Variants in TMEM135 observed in about 807,000 individuals in gnomAD.
TMEM135 encodes the protein transmembrane protein 135, also known as peroxisomal membrane protein 52.
Under a neutral mutation model 60.3 loss-of-function variants are expected in TMEM135, and 30 were observed. The observed-to-expected ratio is 0.50, with a 90% CI of 0.37 to 0.68. The LOEUF is 0.68. TMEM135 is among the 30% of genes least tolerant of loss of function. The pLI is 0.00. For synonymous variants in TMEM135, 190 were observed against 186.7 expected (o/e 1.02, Z -0.14); for missense variants, 468 against 548.8 (o/e 0.85, Z 1.47).
intron 6 of TMEM135, among the ~76,000 whole-genome samples, chr11:87,269,067 T>G (rs1463221978): frequency 1.3e-5 from 2 of 148,498 alleles, no homozygotes; most frequent in Admixed American, 1.3e-4. Context: ...AATGGCTAGT[T>G]TTTTTTTTTT....
chr11:87,226,763 G>T (rs188786099), intron 5 of TMEM135, among the ~76,000 whole-genome samples: 142 of 152,266 alleles, frequency 9.3e-4, no homozygotes, highest in African/African-American at 3.3e-3. Context: ...AAGAATGGTT[G>T]CCTGGGTGTG....
At chr11:87,075,415 G>T (rs1856851859) in intron 3 of TMEM135, among the ~76,000 whole-genome samples, 1 of 152,000 alleles carries the variant, frequency 6.6e-6, no homozygotes, top group Admixed American at 6.6e-5. Flanking sequence ...CAGCCTCCCA[G>T]AGTGTTGGGA....
intron 11 of TMEM135, 34 bp downstream of exon 11, chr11:87,313,522 G>T (rs376273745): frequency 2.0e-6 from 3 of 1,517,056 alleles, no homozygotes; most frequent in Non-Finnish European, 2.7e-6. Context: ...GGTTATTATT[G>T]TATTAATCAG....
chr11:87,101,124 T>C (rs543361989), intron 4 of TMEM135, among the ~76,000 whole-genome samples: 1 of 152,284 alleles, frequency 6.6e-6, no homozygotes, highest in Admixed American at 6.5e-5. Flanking sequence ...TTATTAAAGG[T>C]CAAAATGAAT....
chr11:87,301,522 G>C (rs1942449091), intron 7 of TMEM135, among the ~76,000 whole-genome samples: 1 of 152,090 alleles, frequency 6.6e-6, no homozygotes, highest in Admixed American at 6.5e-5. Flanking sequence ...CATAGTGCCA[G>C]GGTTACAGCA....
intron 5 of TMEM135, among the ~76,000 whole-genome samples, chr11:87,180,797 A>G (rs1232761656): frequency 6.6e-6 from 1 of 152,204 alleles, no homozygotes; most frequent in Non-Finnish European, 1.5e-5. Context: ...CAAAAATATT[A>G]AAAACGAAAA....
intron 6 of TMEM135, chr11:87,259,376 A>G: frequency 3.3e-6 from 1 of 304,792 alleles, no homozygotes; most frequent in East Asian, 7.8e-5. Flanking sequence ...AGGAAATTTT[A>G]TGTGTGTGTG....
At chr11:87,240,244 G>C (rs970556701) in intron 6 of TMEM135, among the ~76,000 whole-genome samples, 2 of 151,980 alleles carry the variant, frequency 1.3e-5, no homozygotes, top group African/African-American at 4.8e-5. Flanking sequence ...TTTTGAAAGA[G>C]CTTTTTGTAT....
Position 87,118,150 on chromosome 11 carries a change from G to A in TMEM135, c.396+26755G>A, listed in dbSNP as rs183412848. ...ATTCAGTAAACCATGCTATAAACACGTGTGCTTTGTTGTTTCATTTATGGA... is the reference window on the plus strand; with the variant it reads ...ATTCAGTAAACCATGCTATAAACACATGTGCTTTGTTGTTTCATTTATGGA... On this transcript the variant is annotated intron_variant, in intron 4 of 14. Coordinates refer to ENST00000305494, the MANE Select transcript of TMEM135 (RefSeq NM_022918.4). Among the ~76,000 whole-genome samples the A allele has an allele frequency of 5.0e-4, 76 of 152,084 alleles. 1 individual carries two copies. The highest frequency in any genetic ancestry group is 3.5e-3 in the Admixed American group (54 of 15,272).
At position 87,157,376 on chromosome 11, in the gene TMEM135, A is replaced by T; in HGVS notation, c.432A>T (p.Arg144Ser). ...TETLFRMGVA[R>S]GTITTLRNGE... ...CACTATTCAGAATGGGTGTAGCAAG[A>T]GGAACCATCACAACATTAAGAAATG... Residue 144 changes from arginine (R) to serine (S), a missense_variant, in exon 5 of 15, where the codon AGA becomes AGT. Coordinates refer to ENST00000305494, the MANE Select transcript of TMEM135 (RefSeq NM_022918.4). 6.2e-7 allele frequency: 1 copy of T among 1,613,326 alleles called. No individual in the cohort carries two copies. Among genetic ancestry groups the T allele is most frequent in the Non-Finnish European group, 8.5e-7 (1 of 1,179,602 alleles).
chr11:87,234,371 T>C (rs1213588368), intron 5 of TMEM135, among the ~76,000 whole-genome samples: 1 of 152,098 alleles, frequency 6.6e-6, no homozygotes, highest in Non-Finnish European at 1.5e-5. Context: ...TTCTAAGTTT[T>C]AGAACAGTGC....
At chr11:87,264,964 G>T (rs1196381337) in intron 6 of TMEM135, among the ~76,000 whole-genome samples, 27 of 151,822 alleles carry the variant, frequency 1.8e-4, no homozygotes, top group Admixed American at 1.8e-3. Context: ...TATATTATAG[G>T]TTATACATTC....
At position 87,324,551 on chromosome 11, in the gene TMEM135, C is replaced by G. The variant is rs1372285356; in HGVS notation, c.*3218C>G. 6.6e-6 allele frequency: 3 copies of G among 452,566 alleles called. No homozygotes were observed. Among genetic ancestry groups the G allele is most frequent in the African/African-American group, 6.0e-5 (3 of 49,826 alleles). The allele number at this position is 452,566 out of a possible 1,614,324, so 28.0% of individuals were successfully genotyped here. A position where few individuals can be genotyped will look rare whatever the true frequency, so the allele number is the denominator to read the frequency against. ...ATTATTTCCCCTCAGTCTCTAATAG[C>G]TGGGACAACAGGCATGTGCCACCAT... On this transcript the variant is annotated 3_prime_UTR_variant, in exon 15 of 15. Transcript: ENST00000305494.
intron 3 of TMEM135, among the ~76,000 whole-genome samples, chr11:87,072,681 C>G (rs965460471): frequency 6.6e-6 from 1 of 151,876 alleles, no homozygotes; most frequent in Non-Finnish European, 1.5e-5. Flanking sequence ...GTGCCTGGCC[C>G]AATTATTTTT....
chr11:87,289,192 A>G lies in TMEM135; in HGVS notation c.510-6590A>G, dbSNP rs75606117. 2.7e-3 allele frequency among the ~76,000 whole-genome samples: 417 copies of G among 152,278 alleles called. 2 individuals carry two copies. Among genetic ancestry groups the G allele is most frequent in the African/African-American group, 9.3e-3 (387 of 41,564 alleles). On this transcript the variant is annotated intron_variant, in intron 6 of 14. Coordinates refer to ENST00000305494, the MANE Select transcript of TMEM135 (RefSeq NM_022918.4). ...TTAAAAAATTGAGAAATAATTGTAC[A>G]TATTCATGGGAGTATACAGTGATGT...
At chr11:87,166,824 T>G (rs993689808) in intron 5 of TMEM135, among the ~76,000 whole-genome samples, 1 of 151,954 alleles carries the variant, frequency 6.6e-6, no homozygotes, top group Non-Finnish European at 1.5e-5. Flanking sequence ...TAAAGTAGTT[T>G]TTTCTAATTC....
chr11:87,189,099 G>A (rs79901360), intron 5 of TMEM135, among the ~76,000 whole-genome samples: 1 of 142,440 alleles, frequency 7.0e-6, no homozygotes, highest in Non-Finnish European at 1.5e-5. Flanking sequence ...TTCCTTTTCC[G>A]TTTCCCTTTT....
At chr11:87,113,648 C>G (rs542566270) in intron 4 of TMEM135, among the ~76,000 whole-genome samples, 1 of 152,000 alleles carries the variant, frequency 6.6e-6, no homozygotes, top group African/African-American at 2.4e-5. Context: ...ATTTTGGTAT[C>G]AGTTTTCACA....
In TMEM135 at chr11:87,216,428, G is replaced by A. The variant is rs534689762; in HGVS notation, c.463-20210G>A. Among the ~76,000 whole-genome samples the A allele has an allele frequency of 2.0e-5, 3 of 152,106 alleles. No individual in the cohort carries two copies. The South Asian group carries it at 6.2e-4, about 32-fold the overall frequency. Reference sequence around the variant, plus strand: ...TTACTCTACCCTGTTGTTTGACTATGTGTTGACGTAGTGTTTTCCAAGATA... The same window carrying A: ...TTACTCTACCCTGTTGTTTGACTATATGTTGACGTAGTGTTTTCCAAGATA... On this transcript the variant is annotated intron_variant, in intron 5 of 14. Transcript: ENST00000305494.
Sources: gnomAD v4.1 joint callset for allele counts (sites outside exome capture counted in the v4.1 genomes callset) on GRCh38, gnomAD v4.1.1 for gene constraint, MANE v1.5 for transcripts, NCBI Gene and HGNC (gene_info 2026-07-23, HGNC 2026-07-21) for gene names.